Variants in ZBTB43 observed in about 807,000 individuals in gnomAD.
ZBTB43 encodes zinc finger and BTB domain-containing protein 43.
ZBTB43 carries 6 observed loss-of-function variants against 31.1 expected under a neutral mutation model. The ratio of observed to expected loss-of-function variants is 0.19; its 90% CI spans 0.11 to 0.38. The LOEUF is 0.38. Among genes scored for constraint, ZBTB43 ranks in the 10% least tolerant of loss-of-function variants. ZBTB43 has a pLI of 1.00. For missense variants in ZBTB43, 379 were observed against 602.1 expected, an observed-to-expected ratio of 0.63 and a Z score of 3.88; for synonymous variants, 212 against 221.7, an observed-to-expected ratio of 0.96 and a Z score of 0.39.
rs1168808589 is a variant in ZBTB43, at chr9:126,833,578, A to G, written c.1069A>G (p.Ile357Val). ...YSENIEMVTG[I>V]KEEASHLGFS... ...TGAGAATATTGAAATGGTAACAGGG[A>G]TTAAAGAAGAAGCTTCCCACTTAGG... The change falls in exon 3 of 3, where the codon ATT becomes GTT. Residue 357 changes from isoleucine (I) to valine (V), a missense_variant. This residue lies in a region of ZBTB43 where 253 missense variants were observed against 322.3 expected (regional missense o/e 0.79). Coordinates refer to ENST00000373464, the MANE Select transcript of ZBTB43 (RefSeq NM_014007.4). The surrounding 1 kb of genome is among the most constrained non-coding windows in gnomAD (Gnocchi z 7.9). 2.2e-5 allele frequency: 35 copies of G among 1,613,988 alleles called. No individual in the cohort carries two copies. Among genetic ancestry groups the G allele is most frequent in the Non-Finnish European group, 2.8e-5 (33 of 1,179,998 alleles).
In ZBTB43 at chr9:126,834,042, T is replaced by A; in HGVS notation, c.*129T>A. ...TTAAAAAAAAAAAGGAAGATATTTC[T>A]GAAAGACCAGCTCTAAGTAGGCCAA... On this transcript the variant is annotated 3_prime_UTR_variant, in exon 3 of 3. Transcript: ENST00000373464. 1 of 1,090,444 alleles carries A rather than the reference T, an allele frequency of 9.2e-7. No individual in the cohort carries two copies. The highest frequency in any genetic ancestry group is 1.3e-6 in the Non-Finnish European group (1 of 785,888). 67.5% of individuals were successfully genotyped at this position (1,090,444 alleles called of 1,614,324 possible).
In ZBTB43 at chr9:126,836,303, TGTGAA is replaced by T. The variant is rs531689221; in HGVS notation, c.*2392_*2396del. ...TTGTGCTAGGACTTATTTAATATGT[TGTGAA>T]GAGAAGAGTGTCTTCTTGAAAGCCT... On this transcript the variant is annotated 3_prime_UTR_variant, in exon 3 of 3. Transcript: ENST00000373464. 10 of 167,226 alleles carry T rather than the reference TGTGAA, an allele frequency of 6.0e-5. No individual in the cohort carries two copies. Among genetic ancestry groups the T allele is most frequent in the Non-Finnish European group, 1.2e-4 (8 of 68,112 alleles). The allele number at this position is 167,226 out of a possible 1,614,324, so 10.4% of individuals were successfully genotyped here.
chr9:126,814,306 A>C (rs2032317582), intron 2 of ZBTB43, among the ~76,000 whole-genome samples: 1 of 150,804 alleles, frequency 6.6e-6, no homozygotes, highest in Admixed American at 6.6e-5. Flanking sequence ...ATTTTTACAG[A>C]TGAAATTTAC....
chr9:126,815,500 T>G (rs1012329677), intron 2 of ZBTB43, among the ~76,000 whole-genome samples: 3 of 150,858 alleles, frequency 2.0e-5, no homozygotes, highest in Non-Finnish European at 4.4e-5. Context: ...TTATTTGCCT[T>G]TTTTTTTCCT....
At position 126,837,838 on chromosome 9, in the gene ZBTB43, CT is replaced by C. The variant is rs5900725; in HGVS notation, c.*3941del. The C allele has an allele frequency of 0.068, 9,831 of 144,700 alleles. 329 individuals carry two copies. Among genetic ancestry groups the C allele is most frequent in the African/African-American group, 0.13 (4,882 of 37,514 alleles). The allele number at this position is 144,700 out of a possible 1,614,324, so 9.0% of individuals were successfully genotyped here. On this transcript the variant is annotated 3_prime_UTR_variant, in exon 3 of 3. Coordinates refer to ENST00000373464, the MANE Select transcript of ZBTB43 (RefSeq NM_014007.4). Reference sequence around the variant, plus strand: ...GCTGGAACACATTTTGCAAATGTGACTTTTTTTTTTTTTTTTAATTTTTGCT... The same window carrying C: ...GCTGGAACACATTTTGCAAATGTGACTTTTTTTTTTTTTTTAATTTTTGCT...
In ZBTB43 at chr9:126,826,699, C is replaced by T. The variant is rs192447144; in HGVS notation, c.-23-5788C>T. Among the ~76,000 whole-genome samples, 230 of 150,628 alleles carry T rather than the reference C, an allele frequency of 1.5e-3. 2 individuals carry two copies. The highest frequency in any genetic ancestry group is 4.6e-3 in the African/African-American group (189 of 41,000). On this transcript the variant is annotated intron_variant, in intron 2 of 2. Transcript: ENST00000373464. ...CAGGAGGGTCTCGATCTCCTGACCT[C>T]GTGATCCTCACGCCTCAGCTTCCCA...
intron 2 of ZBTB43, chr9:126,831,557 T>C (rs1292775181): frequency 6.6e-6 from 1 of 151,724 alleles, no homozygotes; most frequent in East Asian, 1.9e-4. Flanking sequence ...CCCAACACTT[T>C]AGGAGGCTGA....
At chr9:126,815,076 GT>G (rs2032345581) in intron 2 of ZBTB43, among the ~76,000 whole-genome samples, 1 of 151,438 alleles carries the variant, frequency 6.6e-6, no homozygotes, top group African/African-American at 2.4e-5. Flanking sequence ...TGTGCTTGGA[GT>G]TTGTTGAGCT....
intron 2 of ZBTB43, among the ~76,000 whole-genome samples, chr9:126,810,447 G>GCTCC (rs1218626728): frequency 6.8e-6 from 1 of 146,222 alleles, no homozygotes; most frequent in Non-Finnish European, 1.5e-5. Context: ...ACCGTCTCGT[G>GCTCC]CTCCCAAAGT....
upstream of ZBTB43, chr9:126,804,996 G>C (rs1436875327): frequency 4.6e-5 from 7 of 152,498 alleles, no homozygotes; most frequent in Non-Finnish European, 8.8e-5. Flanking sequence ...TCAGTTTCGG[G>C]GGGCGGGACC....
At chr9:126,826,046 T>C (rs1359926226) in intron 2 of ZBTB43, among the ~76,000 whole-genome samples, 3 of 141,046 alleles carry the variant, frequency 2.1e-5, no homozygotes, top group Non-Finnish European at 4.6e-5. Flanking sequence ...GAAGTTTCGC[T>C]CTTGTTGCCC....
chr9:126,833,186 A>G lies in ZBTB43; in HGVS notation c.677A>G (p.His226Arg), dbSNP rs768252006. The change falls in exon 3 of 3, where the codon CAC (histidine) becomes CGC (arginine). Residue 226 changes from histidine to arginine, a missense_variant. Transcript: ENST00000373464. The surrounding 1 kb of genome is among the most constrained non-coding windows in gnomAD (Gnocchi z 7.9). ...EEGASDSAEF[H>R]YTRPMYSKPS... is the part of the protein sequence containing the mutation. ...GGCGCCAGCGACAGCGCCGAGTTCC[A>G]CTACACCCGGCCCATGTACAGCAAG... 4 of 1,613,810 alleles carry G rather than the reference A, an allele frequency of 2.5e-6. No individual in the cohort carries two copies. The highest frequency in any genetic ancestry group is 2.2e-5 in the South Asian group (2 of 91,076).
intron 1 of ZBTB43, among the ~76,000 whole-genome samples, chr9:126,806,637 GTA>G (rs1270785218): frequency 6.6e-6 from 1 of 152,142 alleles, no homozygotes; most frequent in Non-Finnish European, 1.5e-5. Flanking sequence ...AAAGTTTTAT[GTA>G]TATTTTATAC....
At chr9:126,832,216 T>C in intron 2 of ZBTB43, 1 of 371,142 alleles carries the variant, frequency 2.7e-6, no homozygotes, top group Non-Finnish European at 4.9e-6. Flanking sequence ...GGGAGATTTG[T>C]ATAGCTTACA....
intron 2 of ZBTB43, among the ~76,000 whole-genome samples, chr9:126,826,773 C>T (rs1321682407): frequency 6.6e-6 from 1 of 152,090 alleles, no homozygotes; most frequent in Non-Finnish European, 1.5e-5. Context: ...CTCCTGGCCC[C>T]TTTTTATAGT....
In ZBTB43 at chr9:126,833,264, A is replaced by G; in HGVS notation, c.755A>G (p.Glu252Gly). Residue 252 changes from glutamate to glycine, a missense_variant, in exon 3 of 3, where the codon GAA becomes GGA. Glu to Gly is a moderately conservative substitution (Grantham distance 98). Coordinates refer to ENST00000373464, the MANE Select transcript of ZBTB43 (RefSeq NM_014007.4). The surrounding 1 kb of genome is among the most constrained non-coding windows in gnomAD (Gnocchi z 7.9). The part of the protein sequence containing the change: ...RWIHVKPERL[E>G]QACEGMDVHA... Reference sequence around the variant, plus strand: ...ATCCACGTGAAGCCCGAGCGCTTAGAACAGGCTTGCGAGGGCATGGATGTG... The same window carrying G: ...ATCCACGTGAAGCCCGAGCGCTTAGGACAGGCTTGCGAGGGCATGGATGTG... The G allele has an allele frequency of 6.2e-7, 1 of 1,613,738 alleles. No individual in the cohort carries two copies. The highest frequency in any genetic ancestry group is 8.5e-7 in the Non-Finnish European group (1 of 1,179,892).
chr9:126,830,445 G>T (rs539138203), intron 2 of ZBTB43, among the ~76,000 whole-genome samples: 2 of 152,296 alleles, frequency 1.3e-5, no homozygotes, highest in East Asian at 3.9e-4. Context: ...AGGAATTCGA[G>T]ACCAGCCTGG....
In ZBTB43 at chr9:126,805,092, G is replaced by A. The variant is rs1167437659; in HGVS notation, c.-187G>A. 1.3e-5 allele frequency: 2 copies of A among 152,540 alleles called. No individual in the cohort carries two copies. The highest frequency in any genetic ancestry group is 6.5e-5 in the Admixed American group (1 of 15,302). 9.4% of individuals were successfully genotyped at this position (152,540 alleles called of 1,614,324 possible). A position where few individuals can be genotyped will look rare whatever the true frequency, so the allele number is the denominator to read the frequency against. ...ACAGGCCTGCGCCGGCGGCAGAGAG[G>A]ATATCTTGGGCGGGGGATGTGAGCG... On this transcript the variant is annotated 5_prime_UTR_variant, in exon 1 of 3. Coordinates refer to ENST00000373464, the MANE Select transcript of ZBTB43 (RefSeq NM_014007.4).
intron 2 of ZBTB43, among the ~76,000 whole-genome samples, chr9:126,827,734 G>T (rs1340107322): frequency 6.6e-6 from 1 of 152,146 alleles, no homozygotes; most frequent in Non-Finnish European, 1.5e-5. Context: ...GAGGCCGGGC[G>T]AGGTGGCTCA....
Sources: allele counts gnomAD v4.1 joint callset (sites outside exome capture counted in the v4.1 genomes callset), GRCh38; gene constraint gnomAD v4.1.1; regional missense constraint gnomAD v4.1.1; non-coding constraint Gnocchi (gnomAD v3.1); transcripts MANE v1.5; gene names NCBI Gene and HGNC (gene_info 2026-07-23, HGNC 2026-07-21).